PRKX: variants seen among roughly 807,000 people sequenced by gnomAD.
PRKX encodes the protein cAMP-dependent protein kinase catalytic subunit PRKX.
In PRKX, 12 loss-of-function variants were observed where a neutral mutation model predicts 22.0. The ratio of observed to expected loss-of-function variants is 0.54; its 90% CI spans 0.35 to 0.88. PRKX has a LOEUF of 0.88. Among genes scored for constraint, PRKX ranks in the 40% least tolerant of loss-of-function variants. The pLI, the probability that PRKX is intolerant of heterozygous loss-of-function variation, is 0.01. For synonymous variants in PRKX, 134 were observed against 137.7 expected (o/e 0.97, Z 0.19); for missense variants, 217 against 308.0 (o/e 0.70, Z 2.21).
intron 3 of PRKX, among the ~76,000 whole-genome samples, chrX:3,647,260 T>G (rs1927207751): frequency 9.3e-6 from 1 of 107,434 alleles, no homozygotes; most frequent in Admixed American, 1.0e-4. Context: ...TAATGTATAA[T>G]TATAGCTACA....
intron 4 of PRKX, among the ~76,000 whole-genome samples, chrX:3,630,054 T>C (rs1296459361): frequency 8.9e-6 from 1 of 112,462 alleles, no homozygotes; most frequent in Non-Finnish European, 1.9e-5. Flanking sequence ...TATGCTTTGT[T>C]GACTGTAGTA....
chrX:3,652,915 G>A (rs751214603), intron 3 of PRKX, among the ~76,000 whole-genome samples: 1 of 110,850 alleles, frequency 9.0e-6, no homozygotes, highest in East Asian at 2.9e-4. Context: ...CCAAGCCAAG[G>A]AGAGAGGCTT....
At chrX:3,634,864 A>C (rs764989487) in intron 4 of PRKX, among the ~76,000 whole-genome samples, 15 of 109,929 alleles carry the variant, frequency 1.4e-4, no homozygotes, top group Non-Finnish European at 2.7e-4. Context: ...TAATTGGTTT[A>C]TTTATTTCAT....
rs57960952 is a variant in PRKX, at chrX:3,608,578, TACACACACACACACACACACACACACAC to T, written c.*363_*390del. 1 of 94,531 alleles carries T rather than the reference TACACACACACACACACACACACACACAC, an allele frequency of 1.1e-5. No homozygotes were observed. Among genetic ancestry groups the T allele is most frequent in the Non-Finnish European group, 2.1e-5 (1 of 47,148 alleles). 7.8% of individuals were successfully genotyped at this position (94,531 alleles called of 1,213,427 possible). On this transcript the variant is annotated 3_prime_UTR_variant, in exon 9 of 9. Transcript: ENST00000262848. ...TGACTTCTATATATACACACAGGCA[TACACACACACACACACACACACACACAC>T]ACACACACACACACACAATTTGTGG...
chrX:3,691,021 T>C (rs1433724331), intron 1 of PRKX, among the ~76,000 whole-genome samples: 3 of 111,385 alleles, frequency 2.7e-5, no homozygotes, highest in Non-Finnish European at 5.6e-5. Flanking sequence ...TCAGAGACGG[T>C]AGAGACCGAG....
At chrX:3,665,823 G>A (rs754783514) in intron 2 of PRKX, among the ~76,000 whole-genome samples, 39 of 109,887 alleles carry the variant, frequency 3.5e-4, no homozygotes, top group Non-Finnish European at 5.7e-4. Flanking sequence ...CAGAGAGTAC[G>A]AGGGAGGTTG....
chrX:3,638,551 C>T (rs12399472), intron 4 of PRKX, among the ~76,000 whole-genome samples: 10,224 of 111,166 alleles, frequency 0.092, 455 homozygotes, highest in Non-Finnish European at 0.14. Flanking sequence ...TATTTTTAAC[C>T]TTTTGGGTTT....
intron 1 of PRKX, among the ~76,000 whole-genome samples, chrX:3,690,685 C>G (rs1390866163): frequency 1.8e-5 from 2 of 111,979 alleles, no homozygotes; most frequent in Non-Finnish European, 3.8e-5. Context: ...GAGCTATGAT[C>G]ACACCACTGC....
Position 3,612,136 on chromosome X carries a change from T to C in PRKX, c.*23+41A>G, listed in dbSNP as rs745335498. The C allele has an allele frequency of 9.6e-6, 11 of 1,140,586 alleles. No individual in the cohort carries two copies. In the South Asian group the frequency reaches 1.6e-4, roughly 17 times the overall value. 94.0% of individuals were successfully genotyped at this position (1,140,586 alleles called of 1,213,427 possible). ...AGCCTCACCTGGATGTGGGGTCGAGTCAGTCTCATTTTTTGGGAATTACTA... is the reference window on the plus strand; with the variant it reads ...AGCCTCACCTGGATGTGGGGTCGAGCCAGTCTCATTTTTTGGGAATTACTA... On this transcript the variant is annotated intron_variant, in intron 8 of 8. Transcript: ENST00000262848.
At chrX:3,669,328 ATCCAT>A (rs1474715275) in intron 2 of PRKX, among the ~76,000 whole-genome samples, 3 of 105,595 alleles carry the variant, frequency 2.8e-5, no homozygotes, top group Non-Finnish European at 5.7e-5. Flanking sequence ...CCATCCATCC[ATCCAT>A]CCATCCATCC....
At chrX:3,669,637 G>A (rs1035434629) in intron 2 of PRKX, among the ~76,000 whole-genome samples, 7 of 111,475 alleles carry the variant, frequency 6.3e-5, no homozygotes, top group South Asian at 3.8e-4. Context: ...ACATGCAATC[G>A]GTCATTAATC....
chrX:3,646,229 T>C (rs1927184732), intron 3 of PRKX, among the ~76,000 whole-genome samples: 1 of 107,062 alleles, frequency 9.3e-6, no homozygotes, highest in African/African-American at 3.4e-5. Flanking sequence ...GTGGCAGAGG[T>C]TGCAGTGAGC....
intron 1 of PRKX, among the ~76,000 whole-genome samples, chrX:3,689,783 C>T (rs965793107): frequency 1.1e-4 from 12 of 111,709 alleles, no homozygotes; most frequent in African/African-American, 2.9e-4. Context: ...CGAGACCATC[C>T]TGGCTAACAC....
chrX:3,653,467 T>C (rs1294082091), intron 3 of PRKX, among the ~76,000 whole-genome samples: 1 of 108,105 alleles, frequency 9.3e-6, no homozygotes, highest in Non-Finnish European at 1.9e-5. Flanking sequence ...GTTTGTTTCA[T>C]GTGTTGATGG....
At chrX:3,674,912 C>A (rs990889088) in intron 1 of PRKX, 146 bp from the exon 2 acceptor site, 1 of 629,456 alleles carries the variant, frequency 1.6e-6, no homozygotes, top group African/African-American at 2.2e-5. Flanking sequence ...TCATGGTGCA[C>A]GTGGGCTGAT....
At chrX:3,640,463 A>C (rs1272277097) in intron 4 of PRKX, among the ~76,000 whole-genome samples, 1 of 112,086 alleles carries the variant, frequency 8.9e-6, no homozygotes, top group Non-Finnish European at 1.9e-5. Flanking sequence ...CTGGGTTTCC[A>C]AGTGTTGCGT....
intron 3 of PRKX, among the ~76,000 whole-genome samples, chrX:3,653,627 A>T (rs868121139): frequency 1.3e-4 from 8 of 62,892 alleles, no homozygotes; most frequent in Non-Finnish European, 2.0e-4. Flanking sequence ...TATTATATAT[A>T]ATATACTATG....
At chrX:3,684,707 T>C (rs1311828545) in intron 1 of PRKX, among the ~76,000 whole-genome samples, 1 of 111,462 alleles carries the variant, frequency 9.0e-6, no homozygotes, top group Non-Finnish European at 1.9e-5. Context: ...CAGGGCTGGT[T>C]CCTCCTGAGG....
Position 3,613,105 on chromosome X carries a change from C to T in PRKX, c.952-780G>A, listed in dbSNP as rs757985814. ...GGCGGAGGTTGCAGTGAGCCGAGAT[C>T]GCACCACTGAACTCCAGCCTGGGCA... On this transcript the variant is annotated intron_variant, in intron 7 of 8. Coordinates refer to ENST00000262848, the MANE Select transcript of PRKX (RefSeq NM_005044.5). 2.4e-3 allele frequency among the ~76,000 whole-genome samples: 210 copies of T among 89,359 alleles called. 1 individual carries two copies. The highest frequency in any genetic ancestry group is 8.5e-3 in the African/African-American group (204 of 24,061). The allele number at this position is 89,359 out of a possible 115,157, so 77.6% of individuals were successfully genotyped here.
Sources: gnomAD v4.1 joint callset for allele counts (sites outside exome capture counted in the v4.1 genomes callset) on GRCh38, gnomAD v4.1.1 for gene constraint, MANE v1.5 for transcripts, NCBI Gene and HGNC (gene_info 2026-07-23, HGNC 2026-07-21) for gene names.